PRKCQ: variants seen among roughly 807,000 people sequenced by gnomAD.
PRKCQ encodes the protein protein kinase C theta.
A neutral mutation model predicts 91.2 loss-of-function variants in PRKCQ; 41 were observed. The observed-to-expected ratio is 0.45, with a 90% CI of 0.35 to 0.58. The LOEUF (loss-of-function observed/expected upper bound fraction) is 0.58. Ranked by LOEUF, PRKCQ falls within the 20% of genes least tolerant of loss-of-function variation. The pLI is 0.00. For synonymous variants in PRKCQ, 307 were observed against 316.9 expected (o/e 0.97, Z 0.33); for missense variants, 673 against 896.5 (o/e 0.75, Z 3.18).
At chr10:6,463,402 A>C (rs1212890665) in intron 13 of PRKCQ, among the ~76,000 whole-genome samples, 1 of 152,166 alleles carries the variant, frequency 6.6e-6, no homozygotes, top group Non-Finnish European at 1.5e-5. Context: ...TGGAGACGAC[A>C]GTGGACTAAG....
At chr10:6,512,125 T>C (rs1048067006) in intron 2 of PRKCQ, 5 of 152,392 alleles carry the variant, frequency 3.3e-5, no homozygotes, top group African/African-American at 9.6e-5. Context: ...TTTCAGCGCA[T>C]AATGAATGCT....
At chr10:6,517,588 CTTTTTTTTTTTTTTTTTTTTTT>C (rs56306878) in intron 1 of PRKCQ, among the ~76,000 whole-genome samples, 3 of 49,482 alleles carry the variant, frequency 6.1e-5, no homozygotes, top group African/African-American at 7.9e-5. Context: ...AAGATAGCAT[CTTTTTTTTTTTTTTTTTTTTTT>C]TTTTTTTTTT....
intron 1 of PRKCQ, among the ~76,000 whole-genome samples, chr10:6,537,268 T>C (rs1351993078): frequency 6.6e-6 from 1 of 152,238 alleles, no homozygotes; most frequent in Non-Finnish European, 1.5e-5. Flanking sequence ...TGTTAATCTA[T>C]ACCTCAGTTT....
At chr10:6,505,507 T>C in intron 4 of PRKCQ, among the ~76,000 whole-genome samples, 1 of 119,354 alleles carries the variant, frequency 8.4e-6, no homozygotes, top group Non-Finnish European at 1.9e-5. Context: ...CCCTCCTCCT[T>C]CCTTCCTTCC....
chr10:6,577,978 A>T (rs1841307485), intron 1 of PRKCQ, among the ~76,000 whole-genome samples: 1 of 152,226 alleles, frequency 6.6e-6, no homozygotes, highest in South Asian at 2.1e-4. Flanking sequence ...CATCTAATTC[A>T]TTGCAGAGAA....
chr10:6,543,007 G>A (rs547856135), intron 1 of PRKCQ, among the ~76,000 whole-genome samples: 2 of 152,172 alleles, frequency 1.3e-5, no homozygotes, highest in South Asian at 2.1e-4. Context: ...CTTTCCCTGC[G>A]TTGAGTCCTT....
intron 4 of PRKCQ, among the ~76,000 whole-genome samples, chr10:6,502,464 C>G (rs1564357692): frequency 2.0e-5 from 3 of 152,150 alleles, no homozygotes. Context: ...CTGGGCATTG[C>G]CAGAGTGCAG....
chr10:6,528,244 AGAGAAACTTG>A (rs755635796), intron 1 of PRKCQ, among the ~76,000 whole-genome samples: 3 of 152,074 alleles, frequency 2.0e-5, no homozygotes, highest in Non-Finnish European at 4.4e-5. Flanking sequence ...CTCAACTGAT[AGAGAAACTTG>A]CCTCAGTCAC....
chr10:6,433,857 C>T (rs1042585137), intron 16 of PRKCQ, among the ~76,000 whole-genome samples: 2 of 151,644 alleles, frequency 1.3e-5, no homozygotes, highest in African/African-American at 2.4e-5. Flanking sequence ...ATAGTGAAAC[C>T]CCATCTCTAC....
chr10:6,498,577 G>C lies in PRKCQ; in HGVS notation c.380-19C>G, dbSNP rs764837736. The C allele has an allele frequency of 1.2e-6, 2 of 1,610,612 alleles. No individual in the cohort carries two copies. Among genetic ancestry groups the C allele is most frequent in the African/African-American group, 2.7e-5 (2 of 74,974 alleles). ...TTTGTGTCTACAGGAAGAGAGAGGG[G>C]AAGAAAGTGAAGTTCTGCAAAAGGA... On this transcript the variant is annotated intron_variant, in intron 4 of 17. Transcript: ENST00000263125.
chr10:6,480,332 T>C (rs1251095117), intron 11 of PRKCQ, among the ~76,000 whole-genome samples: 1 of 152,240 alleles, frequency 6.6e-6, no homozygotes, highest in East Asian at 1.9e-4. Context: ...AAAGAATAAC[T>C]TGCTCAGATT....
At chr10:6,569,422 C>G (rs577240114) in intron 1 of PRKCQ, among the ~76,000 whole-genome samples, 12 of 151,778 alleles carry the variant, frequency 7.9e-5, no homozygotes, top group Non-Finnish European at 1.8e-4. Flanking sequence ...TTGGAGGAAC[C>G]CGATGTGAGG....
intron 1 of PRKCQ, among the ~76,000 whole-genome samples, chr10:6,537,701 T>C (rs1839635113): frequency 6.6e-6 from 1 of 152,222 alleles, no homozygotes; most frequent in Admixed American, 6.5e-5. Flanking sequence ...TCGCTGGTCC[T>C]TGCTGCAGAG....
chr10:6,435,954 A>AC (rs1453364722), intron 16 of PRKCQ, among the ~76,000 whole-genome samples: 1 of 152,204 alleles, frequency 6.6e-6, no homozygotes, highest in East Asian at 1.9e-4. Context: ...CTCTACAAAA[A>AC]ATACAAAAAT....
the PRKCQ span, among the ~76,000 whole-genome samples, chr10:6,404,530 T>A: frequency 6.7e-6 from 1 of 148,964 alleles, no homozygotes; most frequent in Non-Finnish European, 1.5e-5. Context: ...CCCTCCTTCC[T>A]TCCTTCCCTT....
At chr10:6,527,000 G>A (rs183023692) in intron 1 of PRKCQ, among the ~76,000 whole-genome samples, 196 of 152,310 alleles carry the variant, frequency 1.3e-3, no homozygotes, top group African/African-American at 4.4e-3. Flanking sequence ...AGCCACTGAA[G>A]ATGAGGGGAG....
intron 11 of PRKCQ, among the ~76,000 whole-genome samples, chr10:6,481,739 G>A (rs1030875896): frequency 1.3e-5 from 2 of 152,174 alleles, no homozygotes; most frequent in African/African-American, 4.8e-5. Context: ...AGCAGTTGTG[G>A]TGTATAATGC....
chr10:6,578,069 A>G (rs1841310848), intron 1 of PRKCQ, among the ~76,000 whole-genome samples: 1 of 152,246 alleles, frequency 6.6e-6, no homozygotes, highest in African/African-American at 2.4e-5. Flanking sequence ...CAAGCCGGCT[A>G]TGTAAGGGGG....
intron 1 of PRKCQ, among the ~76,000 whole-genome samples, chr10:6,577,946 C>T (rs1841306633): frequency 1.3e-5 from 2 of 152,158 alleles, no homozygotes; most frequent in Admixed American, 6.5e-5. Context: ...TGGACCCAGT[C>T]CACATGGAAT....
Sources: allele counts gnomAD v4.1 joint callset (sites outside exome capture counted in the v4.1 genomes callset), GRCh38; gene constraint gnomAD v4.1.1; transcripts MANE v1.5; gene names NCBI Gene and HGNC (gene_info 2026-07-23, HGNC 2026-07-21).